The following RALGPS2 variants were observed in gnomAD, a reference collection of about 807,000 sequenced individuals.
RALGPS2 encodes Ral GEF with PH domain and SH3 binding motif 2.
RALGPS2 carries 43 observed loss-of-function variants against 86.8 expected under a neutral mutation model. The observed-to-expected ratio is 0.50, with a 90% CI of 0.39 to 0.64. The LOEUF (loss-of-function observed/expected upper bound fraction) is 0.64. Among genes scored for constraint, RALGPS2 ranks in the 30% least tolerant of loss-of-function variants. The pLI is 0.00. For synonymous variants in RALGPS2, 243 were observed against 231.3 expected, an observed-to-expected ratio of 1.05 and a Z score of -0.46; for missense variants, 536 against 694.6, an observed-to-expected ratio of 0.77 and a Z score of 2.57.
chr1:178,903,355 A>T (rs1460766720), intron 18 of RALGPS2, among the ~76,000 whole-genome samples: 1 of 151,760 alleles, frequency 6.6e-6, no homozygotes, highest in African/African-American at 2.4e-5. Context: ...CCTACTCAAC[A>T]TTTTTTTTCC....
At chr1:178,761,300 C>A (rs759654036) in intron 1 of RALGPS2, among the ~76,000 whole-genome samples, 7 of 151,912 alleles carry the variant, frequency 4.6e-5, no homozygotes, top group Admixed American at 1.3e-4. Context: ...TTAAAAAATT[C>A]TTTTTGCTGT....
At chr1:178,867,958 GA>G (rs1274497180) in intron 8 of RALGPS2, among the ~76,000 whole-genome samples, 1 of 151,948 alleles carries the variant, frequency 6.6e-6, no homozygotes, top group Admixed American at 6.6e-5. Flanking sequence ...GGTAGATAAT[GA>G]AAATAAGGCA....
chr1:178,725,947 G>C (rs1649968846), intron 1 of RALGPS2: 1 of 152,262 alleles, frequency 6.6e-6, no homozygotes, highest in South Asian at 2.1e-4. Flanking sequence ...CGCGGTCAGG[G>C]TGACCTGTTG....
chr1:178,730,990 G>T (rs1022188610), intron 1 of RALGPS2, among the ~76,000 whole-genome samples: 1 of 151,994 alleles, frequency 6.6e-6, no homozygotes, highest in Non-Finnish European at 1.5e-5. Context: ...GAGCCACTGC[G>T]CCTGGCTGAT....
intron 8 of RALGPS2, among the ~76,000 whole-genome samples, chr1:178,843,569 G>T (rs1465413532): frequency 1.3e-5 from 2 of 149,218 alleles, no homozygotes; most frequent in Non-Finnish European, 3.0e-5. Flanking sequence ...CGAGTTAGTG[G>T]GTGCAGTGCA....
rs568064514 is a variant in RALGPS2 at position 178,916,775 on chromosome 1, G to A, written c.*416G>A. 3 of 161,132 alleles carry A rather than the reference G, an allele frequency of 1.9e-5. No individual in the cohort carries two copies. Among genetic ancestry groups the A allele is most frequent in the East Asian group, 1.8e-4 (1 of 5,640 alleles). The allele number at this position is 161,132 out of a possible 1,614,324, so 10.0% of individuals were successfully genotyped here. On this transcript the variant is annotated 3_prime_UTR_variant, in exon 20 of 20. Transcript: ENST00000367635. ...CCTTTTTTAGATATGCTTTAAAAAG[G>A]AAAAACATACTCTTGTGGATTCCAT...
intron 8 of RALGPS2, among the ~76,000 whole-genome samples, chr1:178,854,926 C>G (rs1657427819): frequency 6.6e-6 from 1 of 152,098 alleles, no homozygotes; most frequent in Non-Finnish European, 1.5e-5. Context: ...TCATCCTTCT[C>G]CAGTGTTTCG....
intron 8 of RALGPS2, among the ~76,000 whole-genome samples, chr1:178,847,630 A>T (rs1656930562): frequency 6.6e-6 from 1 of 151,558 alleles, no homozygotes; most frequent in African/African-American, 2.5e-5. Flanking sequence ...TACAAAGATT[A>T]ATTTAAATAT....
At chr1:178,843,386 A>G in intron 8 of RALGPS2, among the ~76,000 whole-genome samples, 2 of 150,076 alleles carry the variant, frequency 1.3e-5, no homozygotes, top group Admixed American at 6.6e-5. Flanking sequence ...CATCATTCTC[A>G]GTAAACTATC....
At chr1:178,795,974 T>G (rs1374067892) in intron 4 of RALGPS2, among the ~76,000 whole-genome samples, 1 of 152,152 alleles carries the variant, frequency 6.6e-6, no homozygotes, top group Non-Finnish European at 1.5e-5. Flanking sequence ...AGACTTGAAA[T>G]TGTTCTGCTA....
intron 2 of RALGPS2, among the ~76,000 whole-genome samples, chr1:178,779,055 G>A (rs972442483): frequency 1.3e-5 from 2 of 151,992 alleles, no homozygotes; most frequent in African/African-American, 2.4e-5. Flanking sequence ...TGCAAGTAAG[G>A]CAAAGAAAGA....
intron 4 of RALGPS2, among the ~76,000 whole-genome samples, chr1:178,792,295 T>G (rs1389127072): frequency 6.6e-6 from 1 of 152,138 alleles, no homozygotes; most frequent in Non-Finnish European, 1.5e-5. Context: ...TTTTTTAAGG[T>G]TCTCTGAGTG....
intron 8 of RALGPS2, among the ~76,000 whole-genome samples, chr1:178,859,086 T>G (rs550334472): frequency 2.0e-5 from 3 of 152,290 alleles, no homozygotes; most frequent in African/African-American, 7.2e-5. Context: ...TCTGTAATAA[T>G]ATGAATTACT....
At chr1:178,904,897 A>G (rs191022783) in intron 18 of RALGPS2, among the ~76,000 whole-genome samples, 22 of 152,224 alleles carry the variant, frequency 1.4e-4, no homozygotes, top group Admixed American at 9.8e-4. Context: ...TGATACTGGT[A>G]TTTTGATGGC....
At chr1:178,729,149 A>G (rs1225626099) in intron 1 of RALGPS2, among the ~76,000 whole-genome samples, 1 of 151,628 alleles carries the variant, frequency 6.6e-6, no homozygotes, top group Non-Finnish European at 1.5e-5. Flanking sequence ...CACTTACATG[A>G]CCTTTTTTTT....
At chr1:178,738,618 A>C (rs1054044491) in intron 1 of RALGPS2, among the ~76,000 whole-genome samples, 1 of 152,236 alleles carries the variant, frequency 6.6e-6, no homozygotes, top group Non-Finnish European at 1.5e-5. Flanking sequence ...TTTTGGGATC[A>C]GCCATATAAT....
intron 4 of RALGPS2, among the ~76,000 whole-genome samples, chr1:178,791,260 A>G (rs997880510): frequency 6.6e-6 from 1 of 151,476 alleles, no homozygotes; most frequent in Non-Finnish European, 1.5e-5. Context: ...ATCTAAGACT[A>G]AAGGCATACA....
At chr1:178,875,825 A>T (rs1357448153) in intron 8 of RALGPS2, among the ~76,000 whole-genome samples, 1 of 152,138 alleles carries the variant, frequency 6.6e-6, no homozygotes, top group African/African-American at 2.4e-5. Context: ...TAGTAGAGGC[A>T]ACAGTGGTTG....
In RALGPS2 at chr1:178,839,611, G is replaced by A. The variant is rs532324524; in HGVS notation, c.607+6061G>A. 2.5e-4 allele frequency among the ~76,000 whole-genome samples: 38 copies of A among 152,084 alleles called. 1 individual carries two copies. Among genetic ancestry groups the A allele is most frequent in the African/African-American group, 8.2e-4 (34 of 41,432 alleles). Reference sequence around the variant, plus strand: ...AGGAAGAAACTGCATCAACTAATGAGCAAAATAACCAGCGAACATCATAAT... The same window carrying A: ...AGGAAGAAACTGCATCAACTAATGAACAAAATAACCAGCGAACATCATAAT... On this transcript the variant is annotated intron_variant, in intron 8 of 19. Transcript: ENST00000367635.
Sources: gnomAD v4.1 joint callset for allele counts (sites outside exome capture counted in the v4.1 genomes callset) on GRCh38, gnomAD v4.1.1 for gene constraint, MANE v1.5 for transcripts, NCBI Gene and HGNC (gene_info 2026-07-23, HGNC 2026-07-21) for gene names.